Variants in CAMTA1 observed in about 807,000 individuals in gnomAD.
The protein encoded by CAMTA1 is calmodulin binding transcription activator 1.
CAMTA1 carries 27 observed loss-of-function variants against 170.9 expected under a neutral mutation model. That is an observed-to-expected ratio of 0.16 (90% CI 0.12 to 0.22). CAMTA1 has a LOEUF of 0.22. Among genes scored for constraint, CAMTA1 ranks in the 10% least tolerant of loss-of-function variants. CAMTA1 has a pLI of 1.00. For synonymous variants in CAMTA1, 833 were observed against 891.5 expected, an observed-to-expected ratio of 0.93 and a Z score of 1.17; for missense variants, 1,619 against 2,217.2, an observed-to-expected ratio of 0.73 and a Z score of 5.42.
intron 4 of CAMTA1, among the ~76,000 whole-genome samples, chr1:7,165,712 G>A (rs1010262855): frequency 1.3e-5 from 2 of 152,146 alleles, no homozygotes; most frequent in South Asian, 2.1e-4. Context: ...GATTACAGGC[G>A]TGAGCCACCA....
rs1254164366 is a variant in CAMTA1, at chr1:7,041,927, C to CT, written c.235-49376dup. Among the ~76,000 whole-genome samples the CT allele has an allele frequency of 6.6e-6, 1 of 152,164 alleles. No individual in the cohort carries two copies. Among genetic ancestry groups the CT allele is most frequent in the East Asian group, 1.9e-4 (1 of 5,200 alleles). ...CAATAATGTGTGCAGGGGTTAACGT[C>CT]TGAATGCTCTGATCTGGAAGCTTCT... On this transcript the variant is annotated intron_variant, in intron 3 of 22. Transcript: ENST00000303635. The surrounding 1 kb of genome is among the most constrained non-coding windows in gnomAD (Gnocchi z 5.1).
chr1:6,813,663 C>T (rs1036833479), intron 1 of CAMTA1, among the ~76,000 whole-genome samples: 3 of 151,824 alleles, frequency 2.0e-5, no homozygotes, highest in Non-Finnish European at 4.4e-5. Context: ...CTCTGTTGTC[C>T]AGGCTGGAGT....
At chr1:7,075,662 A>ATT (rs60585573) in intron 3 of CAMTA1, among the ~76,000 whole-genome samples, 1 of 130,522 alleles carries the variant, frequency 7.7e-6, no homozygotes, top group Non-Finnish European at 1.6e-5. Context: ...AATCTCAGTG[A>ATT]TTTTTTTTTT....
At position 7,010,549 on chromosome 1, in the gene CAMTA1, A is replaced by G. The variant is rs1699636825; in HGVS notation, c.235-80755A>G. ...TGGAGGTGGAAAGACCTGAGTTCAA[A>G]TCTCGGACCCACTACTGACCAGCTG... is the stretch of plus-strand genomic sequence containing the variant. On this transcript the variant is annotated intron_variant, in intron 3 of 22. Coordinates refer to ENST00000303635, the MANE Select transcript of CAMTA1 (RefSeq NM_015215.4). The surrounding 1 kb of genome is among the most constrained non-coding windows in gnomAD (Gnocchi z 4.4). Among the ~76,000 whole-genome samples the G allele has an allele frequency of 1.3e-5, 2 of 152,164 alleles. No individual in the cohort carries two copies. The highest frequency in any genetic ancestry group is 2.1e-4 in the South Asian group (1 of 4,828).
At chr1:7,245,811 C>A (rs1471321098) in intron 4 of CAMTA1, among the ~76,000 whole-genome samples, 1 of 152,086 alleles carries the variant, frequency 6.6e-6, no homozygotes, top group East Asian at 1.9e-4. Flanking sequence ...TGAGTGTGAA[C>A]AGTTTATCTG....
intron 5 of CAMTA1, among the ~76,000 whole-genome samples, chr1:7,461,350 C>T (rs1439182964): frequency 6.6e-6 from 1 of 152,196 alleles, no homozygotes; most frequent in Non-Finnish European, 1.5e-5. Flanking sequence ...CTGAACTGGA[C>T]CCTAACCCAT....
At chr1:7,138,715 C>T (rs1365955360) in intron 4 of CAMTA1, among the ~76,000 whole-genome samples, 2 of 152,124 alleles carry the variant, frequency 1.3e-5, no homozygotes, top group East Asian at 3.8e-4. Context: ...TGAAGATCTG[C>T]TGGGCATGGT....
chr1:7,387,484 C>T (rs1417237338), intron 5 of CAMTA1, among the ~76,000 whole-genome samples: 3 of 152,208 alleles, frequency 2.0e-5, no homozygotes, highest in East Asian at 1.9e-4. Context: ...TTCACGGCTG[C>T]AGCTGCCCCT....
chr1:7,467,417 T>C (rs1017740235), intron 5 of CAMTA1, among the ~76,000 whole-genome samples: 6 of 152,186 alleles, frequency 3.9e-5, no homozygotes, highest in African/African-American at 1.4e-4. Context: ...TTTCATGTGT[T>C]TAATGAATTC....
chr1:6,917,634 G>A (rs986771242), intron 3 of CAMTA1, among the ~76,000 whole-genome samples: 1 of 152,096 alleles, frequency 6.6e-6, no homozygotes, highest in African/African-American at 2.4e-5. Flanking sequence ...CCCAGGAGGA[G>A]CAGAGGAGAG....
chr1:7,766,281 G>A (rs1261261872), intron 22 of CAMTA1, among the ~76,000 whole-genome samples, 178 bp from the exon 23 acceptor site: 1 of 151,806 alleles, frequency 6.6e-6, no homozygotes, highest in East Asian at 1.9e-4. Context: ...GTAGGGTCAC[G>A]TCTTTCCTTT....
intron 3 of CAMTA1, among the ~76,000 whole-genome samples, chr1:7,029,886 A>C (rs1003400696): frequency 6.6e-6 from 1 of 152,246 alleles, no homozygotes; most frequent in African/African-American, 2.4e-5. Flanking sequence ...TTCCAAAAAC[A>C]AAACAAAATT....
At chr1:7,419,966 T>A (rs2149307931) in intron 5 of CAMTA1, among the ~76,000 whole-genome samples, 1 of 152,264 alleles carries the variant, frequency 6.6e-6, no homozygotes, top group East Asian at 1.9e-4. Context: ...CTGATCATCA[T>A]AACAGCTGCA....
At chr1:7,636,468 G>C (rs1356187843) in intron 6 of CAMTA1, among the ~76,000 whole-genome samples, 3 of 152,304 alleles carry the variant, frequency 2.0e-5, no homozygotes, top group Middle Eastern at 6.8e-3. Flanking sequence ...TGTAATCCCA[G>C]CACTTTAGGA....
rs537416761 is a variant in CAMTA1, at chr1:7,477,962, T to C, written c.510+10061T>C. 2.6e-5 allele frequency among the ~76,000 whole-genome samples: 4 copies of C among 152,350 alleles called. No individual in the cohort carries two copies. In the South Asian group the frequency reaches 8.3e-4, roughly 32 times the overall value. ...AAAGGTTTTGAATTCATCACCACCC[T>C]TATGAGCCAAGTGACTCTGGCCAAC... On this transcript the variant is annotated intron_variant, in intron 6 of 22. Coordinates refer to ENST00000303635, the MANE Select transcript of CAMTA1 (RefSeq NM_015215.4).
intron 16 of CAMTA1, among the ~76,000 whole-genome samples, chr1:7,742,008 A>C (rs2096822140): frequency 1.3e-5 from 2 of 151,690 alleles, no homozygotes; most frequent in Non-Finnish European, 2.9e-5. Flanking sequence ...AAATACAATC[A>C]AAATGAAATG....
intron 6 of CAMTA1, among the ~76,000 whole-genome samples, chr1:7,591,060 A>G (rs1158814464): frequency 1.3e-5 from 2 of 152,160 alleles, no homozygotes; most frequent in African/African-American, 4.8e-5. Context: ...GCGGTCTGCC[A>G]TTTCCCCCAT....
intron 5 of CAMTA1, among the ~76,000 whole-genome samples, chr1:7,374,590 G>T (rs1177797763): frequency 6.6e-6 from 1 of 152,222 alleles, no homozygotes; most frequent in East Asian, 1.9e-4. Context: ...CAGATTAATG[G>T]CTCTAGAGAT....
At chr1:7,568,577 TC>T (rs1392522166) in intron 6 of CAMTA1, among the ~76,000 whole-genome samples, 1 of 138,068 alleles carries the variant, frequency 7.2e-6, no homozygotes, top group Non-Finnish European at 1.5e-5. Context: ...CCGACAACCA[TC>T]ATCAACATCA....
Sources: gnomAD v4.1 joint callset for allele counts (sites outside exome capture counted in the v4.1 genomes callset) on GRCh38, gnomAD v4.1.1 for gene constraint, Gnocchi (gnomAD v3.1) non-coding constraint, MANE v1.5 for transcripts, NCBI Gene and HGNC (gene_info 2026-07-23, HGNC 2026-07-21) for gene names.